The following CEP55 variants were observed in gnomAD, a reference collection of about 807,000 sequenced individuals.
CEP55 encodes centrosomal protein of 55 kDa.
CEP55 carries 57 observed loss-of-function variants against 63.2 expected under a neutral mutation model. The ratio of observed to expected loss-of-function variants is 0.90; its 90% confidence interval spans 0.73 to 1.13. CEP55 has a LOEUF of 1.13. Ranked by LOEUF, CEP55 falls within the 50% of genes most tolerant of loss-of-function variation. The pLI, the probability that CEP55 is intolerant of heterozygous loss-of-function variation, is 0.00. For missense variants in CEP55, 456 were observed against 518.9 expected, an observed-to-expected ratio of 0.88 and a Z score of 1.18; for synonymous variants, 178 against 191.6, an observed-to-expected ratio of 0.93 and a Z score of 0.59.
At chr10:93,509,776 A>G (rs1403497206) in intron 4 of CEP55, among the ~76,000 whole-genome samples, 2 of 152,152 alleles carry the variant, frequency 1.3e-5, no homozygotes, top group Non-Finnish European at 2.9e-5. Context: ...GTGAGTCATT[A>G]CACCCAGCCA....
chr10:93,523,305 C>G (rs1488682938), intron 8 of CEP55, among the ~76,000 whole-genome samples: 2 of 152,126 alleles, frequency 1.3e-5, no homozygotes, highest in Admixed American at 6.5e-5. Context: ...TCTGATAAAA[C>G]AGACTTTAAA....
At chr10:93,500,712 C>T (rs904278877) in intron 2 of CEP55, among the ~76,000 whole-genome samples, 12 of 151,306 alleles carry the variant, frequency 7.9e-5, no homozygotes, top group African/African-American at 2.4e-4. Flanking sequence ...TAACTATTTT[C>T]GCTATTTTTA....
chr10:93,502,927 C>T (rs1006031394), intron 2 of CEP55, among the ~76,000 whole-genome samples, 186 bp from the exon 3 acceptor site: 1 of 152,194 alleles, frequency 6.6e-6, no homozygotes, highest in Non-Finnish European at 1.5e-5. Flanking sequence ...TGCATTAATA[C>T]ATTGGCTTAC....
At chr10:93,518,776 T>C (rs1157416696) in intron 6 of CEP55, 101 bp from the exon 7 acceptor site, 3 of 731,958 alleles carry the variant, frequency 4.1e-6, no homozygotes, top group African/African-American at 3.5e-5. Context: ...GGTGTTGTCC[T>C]GGTTAGAGAT....
intron 8 of CEP55, among the ~76,000 whole-genome samples, chr10:93,527,502 G>A (rs1018245550): frequency 2.0e-5 from 3 of 152,094 alleles, no homozygotes; most frequent in Non-Finnish European, 4.4e-5. Context: ...TCATAATACT[G>A]ATGAGCTGAA....
chr10:93,513,653 A>G (rs1167664903), intron 4 of CEP55, among the ~76,000 whole-genome samples: 1 of 152,188 alleles, frequency 6.6e-6, no homozygotes, highest in Non-Finnish European at 1.5e-5. Context: ...TTGTTCTCCA[A>G]ATAGTAATCA....
chr10:93,502,380 A>C (rs976329741), intron 2 of CEP55, among the ~76,000 whole-genome samples: 2 of 152,148 alleles, frequency 1.3e-5, no homozygotes, highest in African/African-American at 4.8e-5. Flanking sequence ...ATGCCCCTAA[A>C]CTTAAATTTT....
chr10:93,509,176 CT>C (rs950372871), intron 4 of CEP55, among the ~76,000 whole-genome samples: 2 of 152,042 alleles, frequency 1.3e-5, no homozygotes, highest in South Asian at 2.1e-4. Context: ...AATGATGATT[CT>C]TTTTTATGAA....
chr10:93,518,041 G>C (rs2057821796), intron 6 of CEP55, among the ~76,000 whole-genome samples: 1 of 152,226 alleles, frequency 6.6e-6, no homozygotes, highest in African/African-American at 2.4e-5. Flanking sequence ...GTAAATGCTA[G>C]TTATTGCTAC....
At chr10:93,527,171 A>T (rs977253227) in intron 8 of CEP55, among the ~76,000 whole-genome samples, 1 of 152,050 alleles carries the variant, frequency 6.6e-6, no homozygotes, top group African/African-American at 2.4e-5. Flanking sequence ...ATTTTTAACT[A>T]CTCCAAGTTC....
At chr10:93,527,189 A>G (rs1056477445) in intron 8 of CEP55, among the ~76,000 whole-genome samples, 1 of 152,218 alleles carries the variant, frequency 6.6e-6, no homozygotes, top group Non-Finnish European at 1.5e-5. Flanking sequence ...TTCTTAGAAA[A>G]AAAACACAAA....
At chr10:93,516,291 A>G (rs958652211) in intron 5 of CEP55, among the ~76,000 whole-genome samples, 1 of 152,226 alleles carries the variant, frequency 6.6e-6, no homozygotes, top group Non-Finnish European at 1.5e-5. Flanking sequence ...ATATTTGAAT[A>G]CTTAAAACAA....
intron 8 of CEP55, among the ~76,000 whole-genome samples, chr10:93,524,595 C>T (rs981776494): frequency 6.6e-6 from 1 of 152,102 alleles, no homozygotes; most frequent in Admixed American, 6.5e-5. Context: ...TTTATGAGGC[C>T]AGCATCATCC....
chr10:93,499,919 C>T (rs1171213934), intron 1 of CEP55, 121 bp from the exon 2 acceptor site: 1 of 633,798 alleles, frequency 1.6e-6, no homozygotes, highest in African/African-American at 1.9e-5. Context: ...CATCTTTCTC[C>T]ATACCCTGCT....
intron 4 of CEP55, among the ~76,000 whole-genome samples, chr10:93,511,599 T>A (rs183363270): frequency 1.2e-3 from 189 of 152,144 alleles, no homozygotes; most frequent in African/African-American, 4.2e-3. Context: ...CCTTTTTTTT[T>A]AATTAATTAA....
chr10:93,526,790 G>A (rs2057927420), intron 8 of CEP55, among the ~76,000 whole-genome samples: 1 of 152,098 alleles, frequency 6.6e-6, no homozygotes, highest in Non-Finnish European at 1.5e-5. Flanking sequence ...GTAGGGACAC[G>A]GATGAAGCTG....
chr10:93,518,509 A>C (rs1201824797), intron 6 of CEP55, among the ~76,000 whole-genome samples: 1 of 152,166 alleles, frequency 6.6e-6, no homozygotes, highest in African/African-American at 2.4e-5. Context: ...CAGTGATACT[A>C]GGGAGAGATT....
At chr10:93,504,280 C>T (rs779112003) in intron 3 of CEP55, among the ~76,000 whole-genome samples, 6 of 152,146 alleles carry the variant, frequency 3.9e-5, no homozygotes, top group Non-Finnish European at 8.8e-5. Context: ...TGAGACCAGC[C>T]TGGCCAACAC....
At chr10:93,515,635 T>C in intron 5 of CEP55, 80 bp downstream of exon 5, 1 of 1,374,560 alleles carries the variant, frequency 7.3e-7, no homozygotes. Context: ...TTTAGATTTT[T>C]ATAGATATGT....
Sources: gnomAD v4.1 joint callset for allele counts (sites outside exome capture counted in the v4.1 genomes callset) on GRCh38, gnomAD v4.1.1 for gene constraint, MANE v1.5 for transcripts, NCBI Gene and HGNC (gene_info 2026-07-23, HGNC 2026-07-21) for gene names.